GHR: variants seen among roughly 807,000 people sequenced by gnomAD.
The protein encoded by GHR is growth hormone receptor, also known as GH receptor.
A neutral mutation model predicts 67.1 loss-of-function variants in GHR; 35 were observed. The ratio of observed to expected loss-of-function variants is 0.52; its 90% CI spans 0.40 to 0.69. The LOEUF (loss-of-function observed/expected upper bound fraction) is 0.69. Among genes scored for constraint, GHR ranks in the 30% least tolerant of loss-of-function variants. The pLI is 0.00. For synonymous variants in GHR, 272 were observed against 269.1 expected (o/e 1.01, Z -0.10); for missense variants, 792 against 764.6 (o/e 1.04, Z -0.42).
At chr5:42,514,992 C>T (rs1036827986) in intron 1 of GHR, 3 of 136,382 alleles carry the variant, frequency 2.2e-5, no homozygotes, top group African/African-American at 8.3e-5. Context: ...TTATCAGGAG[C>T]ACAGACTGAA....
At chr5:42,616,671 G>A (rs1753165951) in intron 2 of GHR, among the ~76,000 whole-genome samples, 1 of 113,704 alleles carries the variant, frequency 8.8e-6, no homozygotes, top group African/African-American at 5.3e-5. Flanking sequence ...GATTCCCTTT[G>A]CAGGGGAAAA....
chr5:42,504,937 T>C (rs1746696411), intron 1 of GHR, among the ~76,000 whole-genome samples: 1 of 152,140 alleles, frequency 6.6e-6, no homozygotes, highest in Non-Finnish European at 1.5e-5. Context: ...AGGCATCAGC[T>C]AGCCCTATTA....
chr5:42,474,649 G>C (rs928606155), intron 1 of GHR, among the ~76,000 whole-genome samples: 2 of 152,132 alleles, frequency 1.3e-5, no homozygotes, highest in Non-Finnish European at 2.9e-5. Flanking sequence ...GGGAACTTAA[G>C]AGAGAAATGG....
At chr5:42,700,655 AT>A (rs1216307817) in intron 6 of GHR, among the ~76,000 whole-genome samples, 11 of 152,122 alleles carry the variant, frequency 7.2e-5, no homozygotes, top group African/African-American at 2.4e-4. Flanking sequence ...GCTGCTCCCA[AT>A]ATAACTAATT....
At chr5:42,470,270 T>C (rs1237810107) in intron 1 of GHR, among the ~76,000 whole-genome samples, 1 of 147,320 alleles carries the variant, frequency 6.8e-6, no homozygotes, top group Non-Finnish European at 1.5e-5. Flanking sequence ...ATATATTATC[T>C]ATATAGTAAA....
At chr5:42,582,550 A>G (rs1476949355) in intron 2 of GHR, among the ~76,000 whole-genome samples, 2 of 152,136 alleles carry the variant, frequency 1.3e-5, no homozygotes, top group Non-Finnish European at 2.9e-5. Flanking sequence ...TGTGTATCTC[A>G]TTCTTCCTGG....
chr5:42,705,474 G>A (rs1443005482), intron 6 of GHR, among the ~76,000 whole-genome samples: 2 of 151,940 alleles, frequency 1.3e-5, no homozygotes, highest in Non-Finnish European at 2.9e-5. Flanking sequence ...CATGTCACAG[G>A]GGTTTACCAT....
At position 42,483,646 on chromosome 5, in the gene GHR, C is replaced by T. The variant is rs112700089; in HGVS notation, c.-12+59691C>T. ...TAGTTAACACGTTAGGGGAGGGAAT[C>T]GAATCTGAAAGTGATACCCATTTAG... On this transcript the variant is annotated intron_variant, in intron 1 of 9. Transcript: ENST00000230882. Among the ~76,000 whole-genome samples the T allele has an allele frequency of 4.0e-3, 604 of 152,148 alleles. 7 individuals carry two copies. Among genetic ancestry groups the T allele is most frequent in the African/African-American group, 0.014 (567 of 41,508 alleles).
chr5:42,504,476 C>G (rs1393897726), intron 1 of GHR, among the ~76,000 whole-genome samples: 3 of 152,076 alleles, frequency 2.0e-5, no homozygotes, highest in Non-Finnish European at 4.4e-5. Flanking sequence ...GGTATGAAGT[C>G]TTGGCCAGGC....
At chr5:42,644,985 A>G (rs1452885111) in intron 3 of GHR, among the ~76,000 whole-genome samples, 4 of 152,162 alleles carry the variant, frequency 2.6e-5, no homozygotes, top group African/African-American at 9.7e-5. Context: ...ATGGAATCCT[A>G]CCATTCCTTT....
intron 3 of GHR, among the ~76,000 whole-genome samples, chr5:42,680,935 T>C (rs1240111948): frequency 1.3e-5 from 2 of 152,000 alleles, no homozygotes; most frequent in African/African-American, 4.8e-5. Flanking sequence ...GCCATGTTGG[T>C]TTGCTGCACC....
At chr5:42,534,257 C>T (rs1312903516) in intron 1 of GHR, among the ~76,000 whole-genome samples, 220 of 84,434 alleles carry the variant, frequency 2.6e-3, no homozygotes, top group Non-Finnish European at 2.7e-3. Context: ...TATATATGTA[C>T]ATGTGTATAT....
chr5:42,608,400 A>G (rs1752731711), intron 2 of GHR, among the ~76,000 whole-genome samples: 1 of 152,120 alleles, frequency 6.6e-6, no homozygotes, highest in Non-Finnish European at 1.5e-5. Context: ...TCATATTGCC[A>G]TGAAATTTAT....
rs780528427 is a variant in GHR at position 42,718,538 on chromosome 5, A to C, written c.1031A>C (p.Glu344Ala). ...PEFHSDDSWV[E>A]FIELDIDEPD... ...TTCCACAGTGATGACTCTTGGGTTG[A>C]ATTTATTGAGCTAGATATTGATGAG... The change falls in exon 10 of 10, where the codon GAA becomes GCA. Residue 344 changes from glutamate to alanine, a missense_variant. Physicochemically the swap from Glu to Ala is moderately radical, Grantham distance 107. Transcript: ENST00000230882. The C allele has an allele frequency of 9.9e-6, 16 of 1,613,830 alleles. No individual in the cohort carries two copies. In the South Asian group the frequency reaches 1.6e-4, roughly 17 times the overall value.
intron 2 of GHR, among the ~76,000 whole-genome samples, chr5:42,591,265 G>C (rs34212627): frequency 6.6e-6 from 1 of 152,186 alleles, no homozygotes; most frequent in Non-Finnish European, 1.5e-5. Flanking sequence ...GACGCTTTTC[G>C]CATTTGGTCA....
intron 1 of GHR, among the ~76,000 whole-genome samples, chr5:42,522,862 A>G (rs1747536498): frequency 6.6e-6 from 1 of 152,204 alleles, no homozygotes; most frequent in South Asian, 2.1e-4. Context: ...CAAAGGCCTC[A>G]TGTACTGAAT....
At chr5:42,495,783 T>C (rs1746298298) in intron 1 of GHR, among the ~76,000 whole-genome samples, 2 of 152,194 alleles carry the variant, frequency 1.3e-5, no homozygotes, top group Non-Finnish European at 2.9e-5. Flanking sequence ...GAATCTCAGA[T>C]GCATTTAGCT....
Position 42,559,105 on chromosome 5 carries a change from C to T in GHR, c.-11-6759C>T, listed in dbSNP as rs139299938. On this transcript the variant is annotated intron_variant, in intron 1 of 9. Transcript: ENST00000230882. ...ATATATCCAATCTGTTATAGACTTA[C>T]ATATTTAATTAAATTAAATTTAAAT... is the stretch of plus-strand genomic sequence containing the variant. 3.6e-3 allele frequency among the ~76,000 whole-genome samples: 553 copies of T among 152,302 alleles called. 5 individuals carry two copies. Among genetic ancestry groups the T allele is most frequent in the Non-Finnish European group, 4.9e-3 (335 of 68,030 alleles).
chr5:42,634,128 CT>C (rs148254982), intron 3 of GHR, among the ~76,000 whole-genome samples: 59 of 149,288 alleles, frequency 4.0e-4, no homozygotes, highest in South Asian at 8.5e-4. Flanking sequence ...ATCTCTTTGT[CT>C]TTTTTTTTTC....
Sources: gnomAD v4.1 joint callset for allele counts (sites outside exome capture counted in the v4.1 genomes callset) on GRCh38, gnomAD v4.1.1 for gene constraint, MANE v1.5 for transcripts, NCBI Gene and HGNC (gene_info 2026-07-23, HGNC 2026-07-21) for gene names.